SESN1: variants seen among roughly 807,000 people sequenced by gnomAD.
SESN1 encodes the protein sestrin 1.
A neutral mutation model predicts 59.3 loss-of-function variants in SESN1; 30 were observed. The observed-to-expected ratio is 0.51, with a 90% confidence interval of 0.38 to 0.69. SESN1 has a LOEUF of 0.69. Ranked by LOEUF, SESN1 falls within the 30% of genes least tolerant of loss-of-function variation. SESN1 has a pLI of 0.00. For synonymous variants in SESN1, 197 were observed against 219.9 expected (o/e 0.90, Z 0.92); for missense variants, 566 against 673.0 (o/e 0.84, Z 1.76).
At chr6:109,026,833 G>A (rs564869399) in intron 1 of SESN1, among the ~76,000 whole-genome samples, 1 of 152,086 alleles carries the variant, frequency 6.6e-6, no homozygotes, top group South Asian at 2.1e-4. Flanking sequence ...CTGCCAAACT[G>A]TTTTCCAAAG....
At chr6:109,018,676 T>C (rs1265264591) in intron 1 of SESN1, among the ~76,000 whole-genome samples, 2 of 152,244 alleles carry the variant, frequency 1.3e-5, no homozygotes, top group Non-Finnish European at 2.9e-5. Context: ...ATGCAAGTAG[T>C]TGTTTGAAAT....
At chr6:109,074,529 C>T (rs914580731) in intron 1 of SESN1, among the ~76,000 whole-genome samples, 1 of 151,994 alleles carries the variant, frequency 6.6e-6, no homozygotes, top group African/African-American at 2.4e-5. Context: ...TTGTGGGTAG[C>T]TCTACAATAG....
intron 1 of SESN1, among the ~76,000 whole-genome samples, chr6:109,051,520 A>AT (rs1780541871): frequency 6.6e-6 from 1 of 152,178 alleles, no homozygotes. Flanking sequence ...TTTGCTTACC[A>AT]TTAGAGGTCA....
intron 1 of SESN1, among the ~76,000 whole-genome samples, chr6:109,005,806 T>A (rs1476425892): frequency 2.0e-5 from 3 of 152,214 alleles, no homozygotes; most frequent in Admixed American, 1.3e-4. Flanking sequence ...GATTATAATC[T>A]ATATTATAAA....
intron 1 of SESN1, among the ~76,000 whole-genome samples, chr6:109,003,063 T>C (rs1261468933): frequency 6.6e-6 from 1 of 152,098 alleles, no homozygotes; most frequent in African/African-American, 2.4e-5. Context: ...TGTGATGGTG[T>C]AGTATGGTTA....
chr6:109,047,712 A>T (rs1331500552), intron 1 of SESN1, among the ~76,000 whole-genome samples: 1 of 145,882 alleles, frequency 6.9e-6, no homozygotes, highest in African/African-American at 2.5e-5. Context: ...GTGTAGAAAG[A>T]AGTAGACATG....
intron 1 of SESN1, among the ~76,000 whole-genome samples, chr6:109,069,990 A>G (rs953193749): frequency 3.5e-4 from 54 of 152,236 alleles, no homozygotes; most frequent in Non-Finnish European, 7.6e-4. Context: ...CTACTGCTGA[A>G]ACAATGCAAC....
intron 1 of SESN1, chr6:109,009,302 G>A (rs1562458832): frequency 7.1e-7 from 1 of 1,414,480 alleles, no homozygotes; most frequent in South Asian, 1.4e-5. Context: ...GGGCAGCTCG[G>A]CCGGGTGCCC....
intron 6 of SESN1, 166 bp from the exon 7 acceptor site, chr6:108,993,065 A>G: frequency 1.8e-6 from 1 of 556,564 alleles, no homozygotes; most frequent in Non-Finnish European, 3.1e-6. Flanking sequence ...TAGTAAACAG[A>G]ATGTAGTAAA....
Position 108,997,945 on chromosome 6 carries a change from G to C in SESN1, c.972+568C>G, listed in dbSNP as rs1246321504. Among the ~76,000 whole-genome samples, 7 of 152,236 alleles carry C rather than the reference G, an allele frequency of 4.6e-5. No individual in the cohort carries two copies. In the South Asian group the frequency reaches 6.2e-4, roughly 14 times the overall value. ...AAAACTAAGAATATATAAAAGCCAG[G>C]AACAGAAGGAATAGAGGTGAAAGCA... is the stretch of plus-strand genomic sequence containing the variant. On this transcript the variant is annotated intron_variant, in intron 5 of 9. Transcript: ENST00000436639.
At position 109,000,605 on chromosome 6, in the gene SESN1, CCCA is replaced by C; in HGVS notation, c.612_614del (p.Gly205del). 6.2e-7 allele frequency: 1 copy of C among 1,611,750 alleles called. No homozygotes were observed. The highest frequency in any genetic ancestry group is 1.1e-5 in the South Asian group (1 of 90,606). On this transcript the variant is annotated inframe_deletion, in exon 4 of 10. Coordinates refer to ENST00000436639, the MANE Select transcript of SESN1 (RefSeq NM_014454.3). ...CTAAACCATTGAGCCACTTGGGGTC[CCCA>C]CCAACATGAAGGAAATCATTTACAT...
intron 1 of SESN1, among the ~76,000 whole-genome samples, chr6:109,070,574 C>T (rs946510140): frequency 2.0e-5 from 3 of 152,146 alleles, no homozygotes; most frequent in Non-Finnish European, 2.9e-5. Flanking sequence ...CTTATGAAAA[C>T]GTATACAGTG....
chr6:109,072,636 G>C (rs1373231243), intron 1 of SESN1, among the ~76,000 whole-genome samples: 2 of 152,262 alleles, frequency 1.3e-5, no homozygotes, highest in East Asian at 1.9e-4. Flanking sequence ...ACAATGGAGA[G>C]AGCAGGCAAG....
intron 1 of SESN1, among the ~76,000 whole-genome samples, chr6:109,021,066 T>C (rs558816902): frequency 6.6e-6 from 1 of 152,180 alleles, no homozygotes. Flanking sequence ...TGATCATGGC[T>C]CACAGCAGCC....
chr6:109,046,856 C>T lies in SESN1; in HGVS notation c.280-44513G>A, dbSNP rs545551647. 5.4e-4 allele frequency among the ~76,000 whole-genome samples: 71 copies of T among 132,622 alleles called. 2 individuals carry two copies. Among genetic ancestry groups the T allele is most frequent in the African/African-American group, 1.8e-3 (67 of 36,324 alleles). 87.0% of individuals were successfully genotyped at this position (132,622 alleles called of 152,430 possible). A position where few individuals can be genotyped will look rare whatever the true frequency, so the allele number is the denominator to read the frequency against. On this transcript the variant is annotated intron_variant, in intron 1 of 9. Transcript: ENST00000436639. Reference sequence around the variant, plus strand: ...GAGACCCTCTGCCTGGCAACCACCCCGTATGAGAAGTGAGGAGCCCCTCCG... The same window carrying T: ...GAGACCCTCTGCCTGGCAACCACCCTGTATGAGAAGTGAGGAGCCCCTCCG...
intron 1 of SESN1, among the ~76,000 whole-genome samples, chr6:109,028,496 G>A (rs575818849): frequency 5.9e-5 from 9 of 152,070 alleles, no homozygotes; most frequent in Non-Finnish European, 1.2e-4. Flanking sequence ...AGTACTGTCT[G>A]ATGAGTTTCT....
chr6:109,094,053 TTCA>T lies in SESN1; in HGVS notation c.18_20del (p.Asn6_Glu7delinsLys). On this transcript the variant is annotated inframe_deletion, in exon 1 of 10. Coordinates refer to ENST00000436639, the MANE Select transcript of SESN1 (RefSeq NM_014454.3). ...TGCTGCAGAGTCCATCCCATCTCAC[TTCA>T]TTCTCTCCTTCAGCCATGACAATAG... 6.2e-7 allele frequency: 1 copy of T among 1,613,754 alleles called. No individual in the cohort carries two copies. Among genetic ancestry groups the T allele is most frequent in the Middle Eastern group, 1.6e-4 (1 of 6,062 alleles).
In SESN1 at chr6:109,093,851, T is replaced by TC. The variant is rs1283644596; in HGVS notation, c.222dup (p.Arg75GlufsTer12). ...TCTCTCACATCTTTGAAGGGACACC[T>TC]CTTAGAAAGCATAAGCAGATGAGCA... On this transcript the variant is annotated frameshift_variant, in exon 1 of 10. Coordinates refer to ENST00000436639, the MANE Select transcript of SESN1 (RefSeq NM_014454.3). LOFTEE classifies it high-confidence loss of function. 1 of 1,614,104 alleles carries TC rather than the reference T, an allele frequency of 6.2e-7. No homozygotes were observed. Among genetic ancestry groups the TC allele is most frequent in the African/African-American group, 1.3e-5 (1 of 74,930 alleles).
At chr6:108,996,053 G>C (rs988746814) in intron 5 of SESN1, among the ~76,000 whole-genome samples, 1 of 152,118 alleles carries the variant, frequency 6.6e-6, no homozygotes, top group Non-Finnish European at 1.5e-5. Context: ...GCATGATATT[G>C]ATTTAATGCA....
Sources: gnomAD v4.1 joint callset for allele counts (sites outside exome capture counted in the v4.1 genomes callset) on GRCh38, gnomAD v4.1.1 for gene constraint, MANE v1.5 for transcripts, NCBI Gene and HGNC (gene_info 2026-07-23, HGNC 2026-07-21) for gene names.